Variants in SLC25A48 observed in about 807,000 individuals in gnomAD.
SLC25A48 encodes solute carrier family 25 member 48.
In SLC25A48, 29 loss-of-function variants were observed where a neutral mutation model predicts 32.2. The ratio of observed to expected loss-of-function variants is 0.90; its 90% CI spans 0.67 to 1.23. The LOEUF (loss-of-function observed/expected upper bound fraction) is 1.23, where lower values mean the gene tolerates loss of function less well. Ranked by LOEUF, SLC25A48 falls within the 50% of genes most tolerant of loss-of-function variation. The probability of loss-of-function intolerance (pLI) is 0.00; values close to 1 mark genes in which losing one functional copy is unlikely to be tolerated. For missense variants in SLC25A48, 399 were observed against 422.7 expected (o/e 0.94, Z 0.49); for synonymous variants, 164 against 172.3 (o/e 0.95, Z 0.38).
intron 6 of SLC25A48, chr5:135,876,125 C>CTTTT (rs1762015222): frequency 1.3e-5 from 1 of 74,758 alleles, no homozygotes; most frequent in African/African-American, 6.3e-5. Context: ...TCTTTTTTTT[C>CTTTT]TTCTTCTTTT....
intron 3 of SLC25A48, among the ~76,000 whole-genome samples, chr5:135,756,936 A>T (rs1755926065): frequency 6.6e-6 from 1 of 151,246 alleles, no homozygotes. Flanking sequence ...AATATCATCT[A>T]GATGATATTT....
chr5:135,663,673 C>A (rs1484113732), intron 3 of SLC25A48, among the ~76,000 whole-genome samples: 8 of 152,332 alleles, frequency 5.3e-5, no homozygotes, highest in Admixed American at 4.6e-4. Context: ...ATGAACACAG[C>A]TATGTAAACT....
chr5:135,630,207 C>T (rs888151518), intron 2 of SLC25A48, among the ~76,000 whole-genome samples: 1 of 152,138 alleles, frequency 6.6e-6, no homozygotes, highest in Admixed American at 6.5e-5. Flanking sequence ...TGGAGGGTAC[C>T]CCTGGGCTCA....
At chr5:135,802,992 T>C (rs1315342792) in intron 3 of SLC25A48, 3 of 151,384 alleles carry the variant, frequency 2.0e-5, no homozygotes, top group Non-Finnish European at 3.0e-5. Context: ...GGGTACAACA[T>C]TGTGTACACC....
chr5:135,812,525 A>G (rs1196121282), exon 4 of SLC25A48: 6 of 152,200 alleles, frequency 3.9e-5, no homozygotes, highest in Non-Finnish European at 7.3e-5. Context: ...CCTTTCAGCT[A>G]TCATCCCTCC....
At chr5:135,803,865 C>A (rs1175792504) in intron 3 of SLC25A48, among the ~76,000 whole-genome samples, 1 of 151,596 alleles carries the variant, frequency 6.6e-6, no homozygotes, top group Non-Finnish European at 1.5e-5. Context: ...ACTGTCTACA[C>A]CCTCTGTGAT....
At chr5:135,581,901 C>A (rs1455215643) in intron 1 of SLC25A48, among the ~76,000 whole-genome samples, 1 of 152,242 alleles carries the variant, frequency 6.6e-6, no homozygotes, top group Admixed American at 6.5e-5. Context: ...CCTGACACAC[C>A]TTCAGGGCAC....
chr5:135,823,344 C>T (rs1008345802), intron 4 of SLC25A48, among the ~76,000 whole-genome samples: 1 of 152,174 alleles, frequency 6.6e-6, no homozygotes, highest in African/African-American at 2.4e-5. Context: ...CACTACCTGG[C>T]ACTCTGGGCC....
intron 7 of SLC25A48, among the ~76,000 whole-genome samples, chr5:135,885,939 T>G (rs1481131574): frequency 6.6e-6 from 1 of 152,158 alleles, no homozygotes; most frequent in Non-Finnish European, 1.5e-5. Flanking sequence ...CATTTTCATT[T>G]TAAAATATAT....
rs1219683901 is a variant in SLC25A48, at chr5:135,888,044, G to A, written c.*20G>A. The A allele has an allele frequency of 1.3e-6, 2 of 1,551,672 alleles. No individual in the cohort carries two copies. Among genetic ancestry groups the A allele is most frequent in the Admixed American group, 3.9e-5 (2 of 51,008 alleles). On this transcript the variant is annotated 3_prime_UTR_variant, in exon 8 of 8. Coordinates refer to ENST00000681962, the MANE Select transcript of SLC25A48 (RefSeq NM_001349336.2). ...TTGCTGTTTCCAGGAGGTGAACACA[G>A]GATGACTACAGTGTTCCCTGGGCCT...
chr5:135,780,157 C>G lies in SLC25A48; in HGVS notation c.-520-32366C>G, dbSNP rs1162284513. Among the ~76,000 whole-genome samples the G allele has an allele frequency of 2.6e-5, 2 of 77,186 alleles. 1 individual carries two copies. The highest frequency in any genetic ancestry group is 6.2e-5 in the Non-Finnish European group (2 of 32,244). 50.6% of individuals were successfully genotyped at this position (77,186 alleles called of 152,430 possible). A position where few individuals can be genotyped will look rare whatever the true frequency, so the allele number is the denominator to read the frequency against. The stretch of plus-strand genomic sequence containing the variant: ...AACCGTGCCTGTGTTATTGTTTCTT[C>G]GTCTTTTTTTTTTTTTTTTTTTTTT... On this transcript the variant is annotated intron_variant, in intron 3 of 10. Transcript: ENST00000646290.
chr5:135,810,017 G>T (rs2126650342), intron 3 of SLC25A48, among the ~76,000 whole-genome samples: 1 of 152,204 alleles, frequency 6.6e-6, no homozygotes, highest in South Asian at 2.1e-4. Context: ...TTAAAATTTT[G>T]TGTAGAGATG....
intron 3 of SLC25A48, chr5:135,650,444 C>T: frequency 2.2e-6 from 1 of 456,022 alleles, no homozygotes; most frequent in Middle Eastern, 3.3e-4. Context: ...CCTCCAGACA[C>T]AGTGAGTTCC....
intron 4 of SLC25A48, among the ~76,000 whole-genome samples, chr5:135,862,239 T>C (rs1462083829): frequency 6.6e-6 from 1 of 152,276 alleles, no homozygotes; most frequent in Non-Finnish European, 1.5e-5. Flanking sequence ...TCATGGCTAA[T>C]GACACTCACT....
At chr5:135,593,403 C>T (rs781120448) in intron 1 of SLC25A48, among the ~76,000 whole-genome samples, 1 of 152,202 alleles carries the variant, frequency 6.6e-6, no homozygotes, top group Non-Finnish European at 1.5e-5. Flanking sequence ...GTGTCTTAAC[C>T]TCAGGTCAAC....
intron 1 of SLC25A48, among the ~76,000 whole-genome samples, chr5:135,618,271 T>G (rs1331841598): frequency 3.9e-5 from 6 of 152,176 alleles, no homozygotes; most frequent in African/African-American, 1.4e-4. Flanking sequence ...TTGAATATCT[T>G]ATTCCATTCC....
At chr5:135,721,625 G>A (rs1429466676) in intron 3 of SLC25A48, among the ~76,000 whole-genome samples, 1 of 152,234 alleles carries the variant, frequency 6.6e-6, no homozygotes, top group Non-Finnish European at 1.5e-5. Context: ...GCTGGATGGT[G>A]TGAGCACTGC....
intron 3 of SLC25A48, among the ~76,000 whole-genome samples, chr5:135,743,105 A>C (rs1580833194): frequency 1.2e-5 from 1 of 84,578 alleles, no homozygotes; most frequent in Non-Finnish European, 2.2e-5. Flanking sequence ...ACAGAGTCTC[A>C]CTCTGTCATC....
chr5:135,680,080 G>T (rs10077295), intron 3 of SLC25A48, among the ~76,000 whole-genome samples: 1 of 151,878 alleles, frequency 6.6e-6, no homozygotes, highest in South Asian at 2.1e-4. Flanking sequence ...AGGCTGCCTC[G>T]CTTACCTTTC....
Sources: allele counts gnomAD v4.1 joint callset (sites outside exome capture counted in the v4.1 genomes callset), GRCh38; gene constraint gnomAD v4.1.1; transcripts MANE v1.5; gene names NCBI Gene and HGNC (gene_info 2026-07-23, HGNC 2026-07-21).